GULP1: variants seen among roughly 807,000 people sequenced by gnomAD.
GULP1 encodes GULP PTB domain containing engulfment adaptor 1, also known as PTB domain-containing engulfment adapter protein 1.
Under a neutral mutation model 40.9 loss-of-function variants are expected in GULP1, and 19 were observed. That is an observed-to-expected ratio of 0.46 (90% CI 0.32 to 0.68). GULP1 has a LOEUF of 0.68. GULP1 is among the 30% of genes least tolerant of loss of function. The pLI is 0.03. For missense variants in GULP1, 312 were observed against 362.2 expected, an observed-to-expected ratio of 0.86 and a Z score of 1.12; for synonymous variants, 119 against 117.6, an observed-to-expected ratio of 1.01 and a Z score of -0.08.
chr2:188,369,032 G>T (rs2047245698), intron 1 of GULP1, among the ~76,000 whole-genome samples: 1 of 145,322 alleles, frequency 6.9e-6, no homozygotes, highest in Non-Finnish European at 1.5e-5. Context: ...GTGTGATCTT[G>T]TCTCACTGCA....
At chr2:188,303,053 T>A (rs2036428267) in intron 1 of GULP1, among the ~76,000 whole-genome samples, 1 of 152,212 alleles carries the variant, frequency 6.6e-6, no homozygotes, top group South Asian at 2.1e-4. Context: ...TGTTCTTTAA[T>A]AATGTCATGA....
At chr2:188,554,496 G>A (rs1694262345) in intron 7 of GULP1, among the ~76,000 whole-genome samples, 1 of 151,460 alleles carries the variant, frequency 6.6e-6, no homozygotes, top group African/African-American at 2.4e-5. Flanking sequence ...ATTGTGGTCT[G>A]AGGGGATAGT....
intron 2 of GULP1, among the ~76,000 whole-genome samples, chr2:188,474,819 A>G (rs73040494): frequency 0.021 from 3,161 of 152,220 alleles, 103 homozygotes; most frequent in African/African-American, 0.072. Context: ...CCCAAAAGTA[A>G]CAATTTTTTA....
chr2:188,558,270 G>A (rs61504191), intron 7 of GULP1, among the ~76,000 whole-genome samples: 3,835 of 152,202 alleles, frequency 0.025, 177 homozygotes, highest in African/African-American at 0.088. Flanking sequence ...AATCATGGGG[G>A]CAGTTTCCCC....
intron 2 of GULP1, among the ~76,000 whole-genome samples, chr2:188,448,591 A>G (rs924878572): frequency 1.3e-5 from 2 of 152,186 alleles, no homozygotes; most frequent in Non-Finnish European, 2.9e-5. Context: ...CATTGGACCT[A>G]TGTATCATCA....
intron 2 of GULP1, among the ~76,000 whole-genome samples, chr2:188,450,779 T>C (rs1246653668): frequency 6.6e-6 from 1 of 152,198 alleles, no homozygotes; most frequent in Non-Finnish European, 1.5e-5. Flanking sequence ...AGAATTGCTC[T>C]TCTATAGTTC....
intron 7 of GULP1, among the ~76,000 whole-genome samples, chr2:188,555,339 G>A (rs1694481971): frequency 6.6e-6 from 1 of 151,960 alleles, no homozygotes; most frequent in South Asian, 2.1e-4. Context: ...GTGTTTTCCT[G>A]ATAGTAAATC....
chr2:188,328,707 A>G (rs2041114804), intron 1 of GULP1, among the ~76,000 whole-genome samples: 1 of 152,148 alleles, frequency 6.6e-6, no homozygotes, highest in Non-Finnish European at 1.5e-5. Context: ...AATGTCACAA[A>G]TAATTTACAA....
At chr2:188,309,501 A>G (rs961359994) in intron 1 of GULP1, among the ~76,000 whole-genome samples, 2 of 152,124 alleles carry the variant, frequency 1.3e-5, no homozygotes, top group Non-Finnish European at 2.9e-5. Context: ...ATTAAGGTAT[A>G]TTATCTTGAG....
chr2:188,342,973 C>G (rs1042284263), intron 1 of GULP1, among the ~76,000 whole-genome samples: 1 of 151,770 alleles, frequency 6.6e-6, no homozygotes, highest in Non-Finnish European at 1.5e-5. Context: ...ATATAAAATG[C>G]TACTACTAAA....
At chr2:188,533,135 A>G (rs373645987) in intron 6 of GULP1, among the ~76,000 whole-genome samples, 65 of 152,192 alleles carry the variant, frequency 4.3e-4, no homozygotes, top group African/African-American at 1.5e-3. Context: ...ACCTGGAATA[A>G]GGATAATTTT....
chr2:188,363,126 C>G (rs959776586), intron 1 of GULP1, among the ~76,000 whole-genome samples: 1 of 152,004 alleles, frequency 6.6e-6, no homozygotes, highest in Non-Finnish European at 1.5e-5. Flanking sequence ...ACATCATTGC[C>G]TACTTTTTCT....
At chr2:188,306,403 T>A (rs768382432) in intron 1 of GULP1, among the ~76,000 whole-genome samples, 18 of 152,222 alleles carry the variant, frequency 1.2e-4, no homozygotes, top group Non-Finnish European at 2.2e-4. Flanking sequence ...CATCATTTTG[T>A]CTTTCTTTGG....
chr2:188,427,590 G>A (rs1257654108), intron 2 of GULP1, among the ~76,000 whole-genome samples: 2 of 152,224 alleles, frequency 1.3e-5, no homozygotes, highest in East Asian at 1.9e-4. Context: ...ATGGGCCACT[G>A]CTTCAGAGGG....
At chr2:188,317,621 G>C (rs959899256) in intron 1 of GULP1, among the ~76,000 whole-genome samples, 15 of 151,984 alleles carry the variant, frequency 9.9e-5, no homozygotes, top group African/African-American at 3.6e-4. Flanking sequence ...GAAATTCAGA[G>C]TATACGTGTT....
intron 2 of GULP1, among the ~76,000 whole-genome samples, chr2:188,401,503 A>G (rs956481372): frequency 8.5e-5 from 13 of 152,176 alleles, no homozygotes; most frequent in African/African-American, 2.7e-4. Context: ...GTTAGCACAT[A>G]TAATGTACCT....
intron 1 of GULP1, among the ~76,000 whole-genome samples, chr2:188,358,689 G>T (rs943785222): frequency 6.6e-6 from 1 of 152,120 alleles, no homozygotes; most frequent in Non-Finnish European, 1.5e-5. Flanking sequence ...GACATAATTA[G>T]TGAGGTTGGA....
intron 1 of GULP1, among the ~76,000 whole-genome samples, chr2:188,312,569 C>T (rs2038355225): frequency 6.6e-6 from 1 of 152,134 alleles, no homozygotes; most frequent in African/African-American, 2.4e-5. Context: ...TGGTTGGTTC[C>T]ATGTCTTTGC....
At chr2:188,495,289 C>T (rs1363076562) in intron 4 of GULP1, among the ~76,000 whole-genome samples, 1 of 152,030 alleles carries the variant, frequency 6.6e-6, no homozygotes, top group East Asian at 1.9e-4. Flanking sequence ...TAGACTATAC[C>T]TACATATATG....
Sources: allele counts gnomAD v4.1 joint callset (sites outside exome capture counted in the v4.1 genomes callset), GRCh38; gene constraint gnomAD v4.1.1; transcripts MANE v1.5; gene names NCBI Gene and HGNC (gene_info 2026-07-23, HGNC 2026-07-21).